KCNJ3: variants seen among roughly 807,000 people sequenced by gnomAD.
The protein encoded by KCNJ3 is G protein-activated inward rectifier potassium channel 1.
In KCNJ3, 4 loss-of-function variants were observed where a neutral mutation model predicts 39.2. The ratio of observed to expected loss-of-function variants is 0.10; its 90% confidence interval spans 0.05 to 0.23. The LOEUF is 0.23. Among genes scored for constraint, KCNJ3 ranks in the 10% least tolerant of loss-of-function variants. The pLI is 1.00. For missense variants in KCNJ3, 276 were observed against 634.9 expected (o/e 0.43, Z 6.08); for synonymous variants, 230 against 237.4 (o/e 0.97, Z 0.29).
rs182566175 is a variant in KCNJ3 at position 154,848,296 on chromosome 2, C to A, written c.920-6431C>A. On this transcript the variant is annotated intron_variant, in intron 2 of 2. Transcript: ENST00000295101. ...TGTTACTTGAAGTTTCAAGCTCTAT[C>A]ATTCTCCTGGAAGTATGAAAATAAT... Among the ~76,000 whole-genome samples, 526 of 152,220 alleles carry A rather than the reference C, an allele frequency of 3.5e-3. 2 individuals are homozygous for A. Among genetic ancestry groups the A allele is most frequent in the Middle Eastern group, 6.8e-3 (2 of 294 alleles).
At chr2:154,842,155 G>C (rs1025585583) in intron 2 of KCNJ3, among the ~76,000 whole-genome samples, 1 of 152,034 alleles carries the variant, frequency 6.6e-6, no homozygotes, top group Admixed American at 6.6e-5. Context: ...TGTTCTCATT[G>C]GTTTCAAAGA....
chr2:154,700,114 A>C (rs1240719927), intron 1 of KCNJ3, among the ~76,000 whole-genome samples: 1 of 152,168 alleles, frequency 6.6e-6, no homozygotes, highest in African/African-American at 2.4e-5. Flanking sequence ...ATTTTTACTA[A>C]ATATTTTCTT....
intron 2 of KCNJ3, among the ~76,000 whole-genome samples, chr2:154,723,016 C>T (rs1265094757): frequency 2.6e-5 from 4 of 152,228 alleles, no homozygotes; most frequent in South Asian, 2.1e-4. Context: ...CATGGTGGCT[C>T]GTGCCTGTCA....
intron 2 of KCNJ3, among the ~76,000 whole-genome samples, chr2:154,825,545 TTTA>T (rs1307463234): frequency 8.8e-4 from 22 of 24,862 alleles, no homozygotes; most frequent in Admixed American, 1.3e-3. Flanking sequence ...CATGAAATTA[TTTA>T]TTTATTTATT....
intron 1 of KCNJ3, among the ~76,000 whole-genome samples, chr2:154,706,901 G>C (rs1430107057): frequency 6.6e-6 from 1 of 151,942 alleles, no homozygotes; most frequent in Non-Finnish European, 1.5e-5. Flanking sequence ...CTTTTGACCT[G>C]AGCCAAAGTC....
At chr2:154,770,975 C>T (rs896655265) in intron 2 of KCNJ3, among the ~76,000 whole-genome samples, 1 of 148,844 alleles carries the variant, frequency 6.7e-6, no homozygotes, top group African/African-American at 2.5e-5. Flanking sequence ...ACTGCAACCT[C>T]AGCCTCCCAG....
rs777333112 is a variant in KCNJ3 at position 154,699,090 on chromosome 2, C to T, written c.315C>T (p.Ile105=). ...WLFMASMWWV[I]AYTRGDLNKA... is the part of the protein sequence containing the mutation. ...TCATGGCGTCCATGTGGTGGGTGAT[C>T]GCCTACACTCGGGGCGACCTGAACA... The change falls in exon 1 of 3, where the codon ATC becomes ATT. Residue 105 remains isoleucine (I), a synonymous_variant. Coordinates refer to ENST00000295101, the MANE Select transcript of KCNJ3 (RefSeq NM_002239.4). The surrounding 1 kb of genome is among the most constrained non-coding windows in gnomAD (Gnocchi z 6.4). The T allele has an allele frequency of 1.9e-6, 3 of 1,614,128 alleles. No homozygotes were observed. In the African/African-American group the frequency reaches 4.0e-5, roughly 22 times the overall value.
Position 154,699,270 on chromosome 2 carries a change from G to A in KCNJ3, c.495G>A (p.Gln165=). 5.0e-6 allele frequency: 8 copies of A among 1,613,986 alleles called. No individual in the cohort carries two copies. The highest frequency in any genetic ancestry group is 6.8e-6 in the Non-Finnish European group (8 of 1,180,028). ...AGGGCATCATCCTCTTCCTCTTCCA[G>A]TCCATCCTGGGCTCCATCGTGGACG... is the stretch of plus-strand genomic sequence containing the variant. ...CPEGIILFLF[Q]SILGSIVDAF... is the part of the protein sequence containing the mutation. Residue 165 remains glutamine (Q), a synonymous_variant, in exon 1 of 3, where the codon CAG becomes CAA. Transcript: ENST00000295101. The surrounding 1 kb of genome is among the most constrained non-coding windows in gnomAD (Gnocchi z 6.4).
chr2:154,852,867 C>T lies in KCNJ3; in HGVS notation c.920-1860C>T, dbSNP rs374659885. 2.5e-4 allele frequency among the ~76,000 whole-genome samples: 38 copies of T among 151,896 alleles called. 1 individual carries two copies. The highest frequency in any genetic ancestry group is 7.7e-4 in the African/African-American group (32 of 41,438). ...CCTCACGTAAAATTGATTATAAACA[C>T]GGATATCTGATCATAGTCAGATTTG... On this transcript the variant is annotated intron_variant, in intron 2 of 2. Coordinates refer to ENST00000295101, the MANE Select transcript of KCNJ3 (RefSeq NM_002239.4).
chr2:154,755,037 A>ATACCTT (rs1409105223), intron 2 of KCNJ3, among the ~76,000 whole-genome samples: 1 of 152,062 alleles, frequency 6.6e-6, no homozygotes, highest in Non-Finnish European at 1.5e-5. Context: ...GTTGTCTGTG[A>ATACCTT]TACCTTTGTA....
At position 154,709,668 on chromosome 2, in the gene KCNJ3, T is replaced by C. The variant is rs776353517; in HGVS notation, c.768T>C (p.Ser256=). 1.9e-6 allele frequency: 3 copies of C among 1,613,934 alleles called. No individual in the cohort carries two copies. Among genetic ancestry groups the C allele is most frequent in the Non-Finnish European group, 1.7e-6 (2 of 1,179,892 alleles). The change falls in exon 2 of 3, where the codon AGT becomes AGC. Residue 256 remains serine, a synonymous_variant. Transcript: ENST00000295101. The stretch of plus-strand genomic sequence containing the variant: ...AACTTGAACTGGATGTAGGTTTTAG[T>C]ACAGGGGCAGATCAACTTTTTCTTG... The part of the protein sequence containing the change: ...LDQLELDVGF[S]TGADQLFLVS...
intron 2 of KCNJ3, among the ~76,000 whole-genome samples, chr2:154,823,732 T>G (rs1360668406): frequency 2.0e-5 from 3 of 152,212 alleles, no homozygotes; most frequent in Admixed American, 2.0e-4. Context: ...AGTTTCCTGT[T>G]ATCACAATAT....
chr2:154,825,074 T>C (rs1167838533), intron 2 of KCNJ3, among the ~76,000 whole-genome samples: 1 of 152,236 alleles, frequency 6.6e-6, no homozygotes, highest in African/African-American at 2.4e-5. Flanking sequence ...GCCTTGTTTA[T>C]AACTTTTGTT....
intron 2 of KCNJ3, among the ~76,000 whole-genome samples, chr2:154,724,006 TTTAAAA>T (rs1181212862): frequency 1.3e-5 from 2 of 152,178 alleles, no homozygotes; most frequent in Non-Finnish European, 2.9e-5. Context: ...TATTTCGTAA[TTTAAAA>T]TTAAATTCTA....
At chr2:154,812,008 A>C (rs1445617261) in intron 2 of KCNJ3, among the ~76,000 whole-genome samples, 1 of 152,206 alleles carries the variant, frequency 6.6e-6, no homozygotes, top group Non-Finnish European at 1.5e-5. Flanking sequence ...CGTTTCTACC[A>C]GTGACAACTA....
chr2:154,716,400 C>T (rs1270567659), intron 2 of KCNJ3, among the ~76,000 whole-genome samples: 1 of 150,452 alleles, frequency 6.6e-6, no homozygotes, highest in Non-Finnish European at 1.5e-5. Flanking sequence ...GCTGGGATTA[C>T]AGGCATGAGC....
At chr2:154,778,468 TA>T (rs1283664726) in intron 2 of KCNJ3, among the ~76,000 whole-genome samples, 1 of 152,136 alleles carries the variant, frequency 6.6e-6, no homozygotes, top group Non-Finnish European at 1.5e-5. Flanking sequence ...CCAAAATCCC[TA>T]AGACAGGAAG....
intron 2 of KCNJ3, among the ~76,000 whole-genome samples, chr2:154,745,089 C>G (rs1448525285): frequency 6.6e-6 from 1 of 151,932 alleles, no homozygotes; most frequent in Non-Finnish European, 1.5e-5. Flanking sequence ...AGGGAACACA[C>G]TCTACCTCAT....
intron 2 of KCNJ3, among the ~76,000 whole-genome samples, chr2:154,719,048 T>C (rs3106653): frequency 6.6e-6 from 1 of 151,690 alleles, no homozygotes; most frequent in Non-Finnish European, 1.5e-5. Flanking sequence ...ATTTCCAGAG[T>C]TTTTTCAAGA....
Sources: allele counts gnomAD v4.1 joint callset (sites outside exome capture counted in the v4.1 genomes callset), GRCh38; gene constraint gnomAD v4.1.1; non-coding constraint Gnocchi (gnomAD v3.1); transcripts MANE v1.5; gene names NCBI Gene and HGNC (gene_info 2026-07-23, HGNC 2026-07-21).